TIAM2: variants seen among roughly 807,000 people sequenced by gnomAD.
TIAM2 encodes the protein TIAM Rac1 associated GEF 2.
A neutral mutation model predicts 152.9 loss-of-function variants in TIAM2; 80 were observed. That is an observed-to-expected ratio of 0.52 (90% CI 0.44 to 0.63). The LOEUF is 0.63. Among genes scored for constraint, TIAM2 ranks in the 30% least tolerant of loss-of-function variants. The pLI is 0.00. For missense variants in TIAM2, 1,965 were observed against 2,120.1 expected (o/e 0.93, Z 1.44); for synonymous variants, 804 against 838.0 (o/e 0.96, Z 0.70).
chr6:155,098,700 T>G (rs948007820), intron 2 of TIAM2, among the ~76,000 whole-genome samples: 11 of 152,240 alleles, frequency 7.2e-5, no homozygotes, highest in Admixed American at 1.3e-4. Context: ...TCTCGCCTAA[T>G]TGCCCTGGCC....
At chr6:155,052,667 A>G (rs796849528) in intron 1 of TIAM2, among the ~76,000 whole-genome samples, 56 of 151,900 alleles carry the variant, frequency 3.7e-4, no homozygotes, top group African/African-American at 1.3e-3. Flanking sequence ...TCGGGAGGCT[A>G]AGGCAGGAGA....
intron 1 of TIAM2, among the ~76,000 whole-genome samples, chr6:155,006,434 T>A (rs2475868): frequency 6.6e-6 from 1 of 151,428 alleles, no homozygotes; most frequent in Non-Finnish European, 1.5e-5. Context: ...TTTGGGAGGC[T>A]GAGGTGGGTG....
Position 155,028,055 on chromosome 6 carries a change from T to C in TIAM2, c.-209+32563T>C, listed in dbSNP as rs1168170197. Among the ~76,000 whole-genome samples the C allele has an allele frequency of 3.0e-4, 36 of 119,634 alleles. 3 individuals carry two copies. The highest frequency in any genetic ancestry group is 1.2e-3 in the African/African-American group (36 of 29,132). The allele number at this position is 119,634 out of a possible 152,430, so 78.5% of individuals were successfully genotyped here. On this transcript the variant is annotated intron_variant, in intron 1 of 26. Transcript: ENST00000682666. ...TATATAATATATGTACTGTGTTACA[T>C]ATATACTATATATAATATATGTACT... is the stretch of plus-strand genomic sequence containing the variant.
At chr6:155,001,632 A>G (rs1778314133) in intron 1 of TIAM2, among the ~76,000 whole-genome samples, 1 of 152,194 alleles carries the variant, frequency 6.6e-6, no homozygotes, top group African/African-American at 2.4e-5. Context: ...TCGAGCTGGA[A>G]ATTGGTCTGC....
rs1297285479 is a variant in TIAM2 at position 155,027,390 on chromosome 6, ATATATACTATATATAATATATATACT to A, written c.-209+31899_-209+31924del. 9.7e-4 allele frequency among the ~76,000 whole-genome samples: 124 copies of A among 127,794 alleles called. 1 individual carries two copies. The highest frequency in any genetic ancestry group is 3.5e-3 in the African/African-American group (113 of 31,932). 83.8% of individuals were successfully genotyped at this position (127,794 alleles called of 152,430 possible). On this transcript the variant is annotated intron_variant, in intron 1 of 26. Coordinates refer to ENST00000682666, the MANE Select transcript of TIAM2 (RefSeq NM_012454.4). ...ATATATAATATATATACTGTGTTAC[ATATATACTATATATAATATATATACT>A]GTGTTACATATATACTATATATAAT...
intron 2 of TIAM2, among the ~76,000 whole-genome samples, chr6:155,096,129 A>G (rs1396630916): frequency 6.6e-6 from 1 of 152,180 alleles, no homozygotes; most frequent in Non-Finnish European, 1.5e-5. Context: ...GTACATTATC[A>G]TTCATTGCTG....
chr6:155,095,910 C>T (rs1390208349), intron 2 of TIAM2, among the ~76,000 whole-genome samples: 1 of 152,080 alleles, frequency 6.6e-6, no homozygotes, highest in Non-Finnish European at 1.5e-5. Context: ...ACAGATGTAC[C>T]CAGTAGCTAG....
intron 1 of TIAM2, among the ~76,000 whole-genome samples, chr6:155,019,544 G>C (rs1007028605): frequency 1.3e-5 from 2 of 152,182 alleles, no homozygotes; most frequent in Non-Finnish European, 2.9e-5. Flanking sequence ...AAATAGTGGG[G>C]GTGGGCTGCT....
chr6:155,170,235 G>A (rs1299316185), intron 9 of TIAM2, among the ~76,000 whole-genome samples: 1 of 113,486 alleles, frequency 8.8e-6, no homozygotes, highest in Non-Finnish European at 2.0e-5. Context: ...TCTATTAGAT[G>A]TAGTCATTTA....
chr6:155,126,051 G>T (rs868249443), intron 2 of TIAM2, among the ~76,000 whole-genome samples: 5 of 152,144 alleles, frequency 3.3e-5, no homozygotes, highest in Non-Finnish European at 4.4e-5. Context: ...ATTCATAATA[G>T]CCAAGAGGTG....
At chr6:155,249,774 C>T (rs565363149) in intron 20 of TIAM2, 77 bp from the exon 21 acceptor site, 1 of 1,243,624 alleles carries the variant, frequency 8.0e-7, no homozygotes, top group South Asian at 1.4e-5. Context: ...TGAATCTTGA[C>T]TCCATTCATT....
At chr6:155,254,767 A>G (rs777743859) in intron 26 of TIAM2, 194 bp downstream of exon 26, 14 of 621,056 alleles carry the variant, frequency 2.3e-5, no homozygotes, top group Non-Finnish European at 3.5e-5. Flanking sequence ...CCCAACCCCC[A>G]GTCCCTTGTC....
At chr6:155,245,755 G>GTT (rs11435976) in intron 19 of TIAM2, 24 bp downstream of exon 19, 251,473 of 1,008,102 alleles carry the variant, frequency 0.25, 10,782 homozygotes, top group East Asian at 0.45. Flanking sequence ...GCCTTTTATA[G>GTT]TTTTTTTTTT....
intron 1 of TIAM2, among the ~76,000 whole-genome samples, chr6:155,083,841 T>G (rs1243352037): frequency 6.6e-6 from 1 of 152,184 alleles, no homozygotes; most frequent in East Asian, 1.9e-4. Context: ...TGCTGGACAA[T>G]GTGGCAACAG....
Position 155,213,296 on chromosome 6 carries a change from G to T in TIAM2, c.3168+1989G>T, listed in dbSNP as rs1479025800. Among the ~76,000 whole-genome samples the T allele has an allele frequency of 6.6e-6, 1 of 152,150 alleles. No homozygotes were observed. The highest frequency in any genetic ancestry group is 2.4e-5 in the African/African-American group (1 of 41,432). ...ACAGCTCAGAGGAAACCCACAGTGG[G>T]TAGCTTCTCTCTGCAGGCTGGTTGT... is the stretch of plus-strand genomic sequence containing the variant. On this transcript the variant is annotated intron_variant, in intron 15 of 26. Transcript: ENST00000682666. This position sits in a 1 kb window ranked among gnomAD's most constrained non-coding sequence, Gnocchi z 4.2.
intron 1 of TIAM2, among the ~76,000 whole-genome samples, chr6:154,997,966 A>G (rs1778247905): frequency 6.6e-6 from 1 of 152,106 alleles, no homozygotes; most frequent in Non-Finnish European, 1.5e-5. Flanking sequence ...CGAACTCTAG[A>G]AAGAAGTAAG....
intron 2 of TIAM2, among the ~76,000 whole-genome samples, chr6:155,110,231 G>T (rs1389371668): frequency 2.0e-5 from 3 of 151,684 alleles, no homozygotes; most frequent in Non-Finnish European, 4.4e-5. Context: ...AGGATTACAG[G>T]CATGAGCCAC....
chr6:155,232,312 T>C (rs1489019270), intron 15 of TIAM2, among the ~76,000 whole-genome samples: 1 of 152,094 alleles, frequency 6.6e-6, no homozygotes, highest in Non-Finnish European at 1.5e-5. Flanking sequence ...TCTGACTTAA[T>C]GAATTTGCTT....
intron 24 of TIAM2, chr6:155,253,379 T>G: frequency 1.1e-5 from 3 of 281,040 alleles, no homozygotes; most frequent in Non-Finnish European, 2.0e-5. Flanking sequence ...TTTACAAATT[T>G]AGAATATAGC....
Sources: allele counts gnomAD v4.1 joint callset (sites outside exome capture counted in the v4.1 genomes callset), GRCh38; gene constraint gnomAD v4.1.1; non-coding constraint Gnocchi (gnomAD v3.1); transcripts MANE v1.5; gene names NCBI Gene and HGNC (gene_info 2026-07-23, HGNC 2026-07-21).